PHACTR1: variants seen among roughly 807,000 people sequenced by gnomAD.
The protein encoded by PHACTR1 is phosphatase and actin regulator 1, also known as RPEL repeat containing 1.
In PHACTR1, 16 loss-of-function variants were observed where a neutral mutation model predicts 69.2. That is an observed-to-expected ratio of 0.23 (90% CI 0.16 to 0.35). The LOEUF (loss-of-function observed/expected upper bound fraction) is 0.35. Ranked by LOEUF, PHACTR1 falls within the 10% of genes least tolerant of loss-of-function variation. The pLI is 1.00. For synonymous variants in PHACTR1, 312 were observed against 284.5 expected, an observed-to-expected ratio of 1.10 and a Z score of -0.97; for missense variants, 510 against 734.7, an observed-to-expected ratio of 0.69 and a Z score of 3.54.
chr6:12,955,150 A>T (rs964647970), intron 4 of PHACTR1, among the ~76,000 whole-genome samples: 1 of 151,064 alleles, frequency 6.6e-6, no homozygotes, highest in African/African-American at 2.5e-5. Context: ...TATGACTACT[A>T]GAAAATTGAA....
intron 4 of PHACTR1, among the ~76,000 whole-genome samples, chr6:12,771,219 A>T (rs886758173): frequency 1.2e-4 from 18 of 152,178 alleles, no homozygotes; most frequent in Non-Finnish European, 4.4e-5. Context: ...TGGAAAATTA[A>T]TTTAGGATTA....
intron 4 of PHACTR1, among the ~76,000 whole-genome samples, chr6:12,892,572 T>C (rs1385910538): frequency 6.6e-6 from 1 of 152,220 alleles, no homozygotes; most frequent in African/African-American, 2.4e-5. Flanking sequence ...TATCTAAATG[T>C]TTTGTTTTCT....
At chr6:13,072,212 A>T (rs1441350542) in intron 5 of PHACTR1, among the ~76,000 whole-genome samples, 2 of 152,182 alleles carry the variant, frequency 1.3e-5, no homozygotes, top group Non-Finnish European at 2.9e-5. Context: ...TGTTTCCAGT[A>T]GTTCTGAAAA....
intron 4 of PHACTR1, among the ~76,000 whole-genome samples, chr6:12,792,292 C>G (rs563789144): frequency 9.9e-5 from 15 of 151,250 alleles, no homozygotes; most frequent in Admixed American, 2.6e-4. Context: ...TGGAGAAACC[C>G]CGTCTCTACC....
intron 4 of PHACTR1, among the ~76,000 whole-genome samples, chr6:12,837,627 C>A (rs1007539519): frequency 4.0e-5 from 6 of 151,476 alleles, no homozygotes; most frequent in African/African-American, 7.2e-5. Context: ...CCACAAAAAT[C>A]TCTTTTTCTC....
At chr6:13,010,601 G>A (rs1799339845) in intron 4 of PHACTR1, among the ~76,000 whole-genome samples, 1 of 152,188 alleles carries the variant, frequency 6.6e-6, no homozygotes, top group South Asian at 2.1e-4. Context: ...GCTAGAGCTT[G>A]AAGTGCTGCA....
rs530003808 is a variant in PHACTR1 at position 13,082,086 on chromosome 6, G to A, written c.415+28557G>A. Reference sequence around the variant, plus strand: ...GGCCTAGGTGGGATCATTTGGTCTAGGTGCAGACTTTGAGCATTTCACTGA... The same window carrying A: ...GGCCTAGGTGGGATCATTTGGTCTAAGTGCAGACTTTGAGCATTTCACTGA... On this transcript the variant is annotated intron_variant, in intron 5 of 14. Coordinates refer to ENST00000332995, the MANE Select transcript of PHACTR1 (RefSeq NM_030948.6). Among the ~76,000 whole-genome samples, 3 of 152,232 alleles carry A rather than the reference G, an allele frequency of 2.0e-5. No homozygotes were observed. The South Asian group carries it at 6.2e-4, about 32-fold the overall frequency.
intron 5 of PHACTR1, among the ~76,000 whole-genome samples, chr6:13,077,035 T>A (rs569919513): frequency 1.3e-5 from 2 of 150,862 alleles, no homozygotes; most frequent in Non-Finnish European, 2.9e-5. Context: ...GGCACATGTA[T>A]ACATATGTAA....
intron 4 of PHACTR1, among the ~76,000 whole-genome samples, chr6:12,797,696 C>G (rs1298725814): frequency 6.6e-6 from 1 of 152,134 alleles, no homozygotes; most frequent in African/African-American, 2.4e-5. Flanking sequence ...TCCTGGACAC[C>G]TCTCTTCCTC....
At chr6:12,886,577 C>T (rs1441053086) in intron 4 of PHACTR1, among the ~76,000 whole-genome samples, 1 of 152,148 alleles carries the variant, frequency 6.6e-6, no homozygotes, top group African/African-American at 2.4e-5. Flanking sequence ...CCAAAGGATT[C>T]GCTGAACTTG....
rs1187378874 is a variant in PHACTR1, at chr6:13,149,432, C to T, written c.416-10772C>T. Among the ~76,000 whole-genome samples the T allele has an allele frequency of 6.6e-5, 10 of 152,162 alleles. No individual in the cohort carries two copies. The East Asian group carries it at 1.9e-3, about 29-fold the overall frequency. On this transcript the variant is annotated intron_variant, in intron 5 of 14. Transcript: ENST00000332995. ...AGCATCTCTGTGGGTTACTATTCTG[C>T]AAAAACAGACTTTAGAAAGTGCTGA...
At chr6:13,176,233 A>T (rs1379318791) in intron 6 of PHACTR1, among the ~76,000 whole-genome samples, 2 of 152,220 alleles carry the variant, frequency 1.3e-5, no homozygotes, top group African/African-American at 4.8e-5. Flanking sequence ...ATGATCATTA[A>T]GTTCTATATC....
At chr6:13,032,231 A>G (rs898489399) in intron 4 of PHACTR1, among the ~76,000 whole-genome samples, 1 of 152,248 alleles carries the variant, frequency 6.6e-6, no homozygotes, top group Admixed American at 6.5e-5. Flanking sequence ...GAATATCAGT[A>G]CCTTGAAAAA....
intron 10 of PHACTR1, among the ~76,000 whole-genome samples, chr6:13,233,338 G>GACGCTTAAATACTGCTTGGAATTTGTA (rs1554167994): frequency 6.6e-6 from 1 of 151,964 alleles, no homozygotes. Context: ...CCCTTATAAG[G>GACGCTTAAATACTGCTTGGAATTTGTA]ACATCCACTG....
intron 5 of PHACTR1, among the ~76,000 whole-genome samples, chr6:13,054,524 C>T (rs1380808629): frequency 2.6e-5 from 4 of 152,308 alleles, no homozygotes; most frequent in Middle Eastern, 3.4e-3. Flanking sequence ...GATAGGTTTT[C>T]TTCTGAGGCC....
intron 8 of PHACTR1, among the ~76,000 whole-genome samples, chr6:13,214,953 G>GA (rs999346170): frequency 2.0e-5 from 3 of 152,176 alleles, no homozygotes; most frequent in Admixed American, 6.5e-5. Context: ...CCTTAAAAAT[G>GA]AAAAAATAAA....
intron 4 of PHACTR1, among the ~76,000 whole-genome samples, chr6:12,902,023 T>A (rs1296933318): frequency 6.6e-6 from 1 of 152,106 alleles, no homozygotes; most frequent in Admixed American, 6.5e-5. Flanking sequence ...GCTACTGGCA[T>A]CTAACAGTGT....
At chr6:12,925,499 A>G (rs539084924) in intron 4 of PHACTR1, among the ~76,000 whole-genome samples, 2 of 152,332 alleles carry the variant, frequency 1.3e-5, no homozygotes, top group East Asian at 3.9e-4. Flanking sequence ...TCTATATCAT[A>G]TAGCAATTGT....
intron 4 of PHACTR1, among the ~76,000 whole-genome samples, chr6:12,797,040 T>TGTGTGTGTGTGAGAGAGA (rs563796658): frequency 4.5e-5 from 6 of 133,318 alleles, no homozygotes; most frequent in African/African-American, 1.7e-4. Context: ...TGTGTGTGTG[T>TGTGTGTGTGTGAGAGAGA]GAGAGAGAGA....
Sources: gnomAD v4.1 joint callset for allele counts (sites outside exome capture counted in the v4.1 genomes callset) on GRCh38, gnomAD v4.1.1 for gene constraint, MANE v1.5 for transcripts, NCBI Gene and HGNC (gene_info 2026-07-23, HGNC 2026-07-21) for gene names.